PRKCI: variants seen among roughly 807,000 people sequenced by gnomAD.
The protein encoded by PRKCI is protein kinase C iota.
A neutral mutation model predicts 84.0 loss-of-function variants in PRKCI; 43 were observed. That is an observed-to-expected ratio of 0.51 (90% CI 0.40 to 0.66). The LOEUF (loss-of-function observed/expected upper bound fraction) is 0.66. PRKCI is among the 30% of genes least tolerant of loss of function. The pLI, the probability that PRKCI is intolerant of heterozygous loss-of-function variation, is 0.00. For missense variants in PRKCI, 459 were observed against 745.6 expected, an observed-to-expected ratio of 0.62 and a Z score of 4.48; for synonymous variants, 216 against 234.4, an observed-to-expected ratio of 0.92 and a Z score of 0.72.
At chr3:170,250,008 G>C (rs960872993) in intron 2 of PRKCI, among the ~76,000 whole-genome samples, 1 of 152,088 alleles carries the variant, frequency 6.6e-6, no homozygotes, top group African/African-American at 2.4e-5. Flanking sequence ...AGACATGGTG[G>C]CTCACACCCA....
At chr3:170,287,343 A>C (rs1336008286) in intron 12 of PRKCI, among the ~76,000 whole-genome samples, 1 of 150,982 alleles carries the variant, frequency 6.6e-6, no homozygotes, top group African/African-American at 2.5e-5. Flanking sequence ...ATATATAGAG[A>C]GAGAGAGAGT....
At chr3:170,260,164 T>C in intron 3 of PRKCI, 106 bp downstream of exon 3, 1 of 715,220 alleles carries the variant, frequency 1.4e-6, no homozygotes, top group South Asian at 2.1e-5. Flanking sequence ...TTTCTCAATC[T>C]CTGTGACTCA....
intron 1 of PRKCI, among the ~76,000 whole-genome samples, chr3:170,226,153 T>TC (rs1732622357): frequency 1.3e-5 from 2 of 152,158 alleles, no homozygotes; most frequent in Admixed American, 1.3e-4. Flanking sequence ...CCTCAAGTGA[T>TC]CCACCCACCT....
At chr3:170,238,931 C>T (rs1467639435) in intron 2 of PRKCI, among the ~76,000 whole-genome samples, 2 of 152,088 alleles carry the variant, frequency 1.3e-5, no homozygotes, top group African/African-American at 4.8e-5. Flanking sequence ...GCTGGGTTCT[C>T]ACTATGTTGC....
chr3:170,260,847 A>G (rs1733707242), intron 3 of PRKCI, among the ~76,000 whole-genome samples: 1 of 152,342 alleles, frequency 6.6e-6, no homozygotes, highest in Non-Finnish European at 1.5e-5. Context: ...AAACTCAGTT[A>G]TCATTGTAAC....
chr3:170,223,451 A>G (rs1732548092), intron 1 of PRKCI, among the ~76,000 whole-genome samples: 1 of 152,230 alleles, frequency 6.6e-6, no homozygotes, highest in Non-Finnish European at 1.5e-5. Context: ...CGATAGGGTG[A>G]GATACTGCAA....
chr3:170,303,773 G>C lies in PRKCI; in HGVS notation c.*646G>C, dbSNP rs529276554. ...GTACTTTGGGAGGTTGAGGCGGGCA[G>C]ATCACTTGAGGTCAGGAGTTTGAGA... is the stretch of plus-strand genomic sequence containing the variant. On this transcript the variant is annotated 3_prime_UTR_variant, in exon 18 of 18. Coordinates refer to ENST00000295797, the MANE Select transcript of PRKCI (RefSeq NM_002740.6). 15 of 197,062 alleles carry C rather than the reference G, an allele frequency of 7.6e-5. No homozygotes were observed. Among genetic ancestry groups the C allele is most frequent in the Non-Finnish European group, 1.2e-4 (11 of 94,980 alleles). 12.2% of individuals were successfully genotyped at this position (197,062 alleles called of 1,614,324 possible).
intron 4 of PRKCI, among the ~76,000 whole-genome samples, chr3:170,265,876 C>T (rs146543513): frequency 5.9e-5 from 9 of 152,198 alleles, no homozygotes; most frequent in African/African-American, 9.6e-5. Context: ...CCACCTCGGC[C>T]TCCCAAAGTG....
intron 3 of PRKCI, among the ~76,000 whole-genome samples, chr3:170,260,641 C>T (rs894690925): frequency 1.3e-5 from 2 of 152,078 alleles, no homozygotes; most frequent in African/African-American, 4.8e-5. Context: ...GTAGTAGAGA[C>T]AGGGTTTCAC....
At chr3:170,275,548 T>C (rs1031609937) in intron 8 of PRKCI, among the ~76,000 whole-genome samples, 13 of 152,310 alleles carry the variant, frequency 8.5e-5, no homozygotes, top group Middle Eastern at 3.4e-3. Context: ...TTAAGGATAC[T>C]GTTTAAAATA....
intron 16 of PRKCI, 134 bp from the exon 17 acceptor site, chr3:170,298,861 A>G (rs1734751488): frequency 1.6e-6 from 1 of 617,768 alleles, no homozygotes; most frequent in Non-Finnish European, 2.8e-6. Context: ...AATTATGTTC[A>G]TCATTGCTAA....
At chr3:170,225,809 TG>T (rs1478011960) in intron 1 of PRKCI, among the ~76,000 whole-genome samples, 2 of 152,040 alleles carry the variant, frequency 1.3e-5, no homozygotes, top group African/African-American at 4.8e-5. Context: ...TTCAAAGATG[TG>T]TATAGTGTTA....
intron 14 of PRKCI, among the ~76,000 whole-genome samples, chr3:170,295,353 A>G (rs889459970): frequency 2.6e-5 from 4 of 151,796 alleles, no homozygotes; most frequent in Admixed American, 2.6e-4. Context: ...TGAGACCCTT[A>G]TCTCTACAAA....
At chr3:170,298,061 C>T (rs1298501038) in intron 16 of PRKCI, among the ~76,000 whole-genome samples, 2 of 149,778 alleles carry the variant, frequency 1.3e-5, no homozygotes, top group Non-Finnish European at 3.0e-5. Context: ...TTAGTAGAGA[C>T]GGGGTTTCAT....
chr3:170,240,061 C>T (rs534249686), intron 2 of PRKCI, among the ~76,000 whole-genome samples: 119 of 152,104 alleles, frequency 7.8e-4, no homozygotes, highest in African/African-American at 2.8e-3. Flanking sequence ...ACTCAAAAAG[C>T]TAAGGTGGAA....
intron 1 of PRKCI, among the ~76,000 whole-genome samples, chr3:170,234,961 GT>G (rs1732930699): frequency 6.6e-6 from 1 of 151,308 alleles, no homozygotes; most frequent in Non-Finnish European, 1.5e-5. Flanking sequence ...TGTATTTTTA[GT>G]AGAGACGGGG....
intron 1 of PRKCI, among the ~76,000 whole-genome samples, chr3:170,223,047 T>C (rs1732534540): frequency 6.6e-6 from 1 of 152,104 alleles, no homozygotes; most frequent in Non-Finnish European, 1.5e-5. Context: ...GCACCTGGTG[T>C]GGACGAGAGA....
At chr3:170,290,188 A>C (rs180709032) in intron 12 of PRKCI, among the ~76,000 whole-genome samples, 4 of 152,246 alleles carry the variant, frequency 2.6e-5, no homozygotes. Context: ...TGTTCTGTTG[A>C]ATTTCATATA....
chr3:170,295,401 G>A (rs1005784084), intron 14 of PRKCI, among the ~76,000 whole-genome samples: 1 of 152,038 alleles, frequency 6.6e-6, no homozygotes, highest in South Asian at 2.1e-4. Flanking sequence ...GGGCGCAGTG[G>A]CTCACACCTG....
Sources: gnomAD v4.1 joint callset for allele counts (sites outside exome capture counted in the v4.1 genomes callset) on GRCh38, gnomAD v4.1.1 for gene constraint, MANE v1.5 for transcripts, NCBI Gene and HGNC (gene_info 2026-07-23, HGNC 2026-07-21) for gene names.